Variants in FOXO3 observed in about 807,000 individuals in gnomAD.
The protein encoded by FOXO3 is forkhead box protein O3.
Under a neutral mutation model 41.9 loss-of-function variants are expected in FOXO3, and 4 were observed. The ratio of observed to expected loss-of-function variants is 0.10; its 90% CI spans 0.05 to 0.22. FOXO3 has a LOEUF of 0.22. Ranked by LOEUF, FOXO3 falls within the 10% of genes least tolerant of loss-of-function variation. The pLI is 1.00. For synonymous variants in FOXO3, 318 were observed against 389.3 expected (o/e 0.82, Z 2.16); for missense variants, 534 against 906.8 (o/e 0.59, Z 5.28).
At chr6:108,674,574 G>C (rs1218827689) in intron 2 of FOXO3, among the ~76,000 whole-genome samples, 1 of 152,190 alleles carries the variant, frequency 6.6e-6, no homozygotes, top group East Asian at 1.9e-4. Flanking sequence ...GATACTAGGT[G>C]AGTGACTTAA....
At chr6:108,589,842 T>C (rs1776687204) in intron 1 of FOXO3, among the ~76,000 whole-genome samples, 1 of 152,240 alleles carries the variant, frequency 6.6e-6, no homozygotes, top group African/African-American at 2.4e-5. Context: ...CACACAACTA[T>C]TTCCTACTGA....
At position 108,640,405 on chromosome 6, in the gene FOXO3, A is replaced by G. The variant is rs75602171; in HGVS notation, c.622-23050A>G. On this transcript the variant is annotated intron_variant, in intron 1 of 2. Coordinates refer to ENST00000406360, the MANE Select transcript of FOXO3 (RefSeq NM_001455.4). Reference sequence around the variant, plus strand: ...GTAGTTTACTAACGTCAGGTCACTGAATGCTTTAACAGCAGTATACAATTT... The same window carrying G: ...GTAGTTTACTAACGTCAGGTCACTGGATGCTTTAACAGCAGTATACAATTT... 6.7e-3 allele frequency among the ~76,000 whole-genome samples: 1,025 copies of G among 152,362 alleles called. 15 individuals are homozygous for G. Among genetic ancestry groups the G allele is most frequent in the African/African-American group, 0.023 (965 of 41,582 alleles).
chr6:108,617,163 A>G (rs1401127376), intron 1 of FOXO3, among the ~76,000 whole-genome samples: 1 of 152,170 alleles, frequency 6.6e-6, no homozygotes, highest in Non-Finnish European at 1.5e-5. Context: ...TTGCTGGGTC[A>G]TGTGGTAACT....
chr6:108,579,078 G>T (rs185696333), intron 1 of FOXO3, among the ~76,000 whole-genome samples: 1 of 152,218 alleles, frequency 6.6e-6, no homozygotes, highest in Non-Finnish European at 1.5e-5. Flanking sequence ...GGATGTTCAT[G>T]TGAGGGTCTT....
chr6:108,593,712 CTTTTTTTT>C (rs34228633), intron 1 of FOXO3, among the ~76,000 whole-genome samples: 7 of 83,328 alleles, frequency 8.4e-5, no homozygotes, highest in South Asian at 4.0e-4. Flanking sequence ...TTTTCTTCTT[CTTTTTTTT>C]TTTTTTTTTT....
At chr6:108,677,854 T>C (rs753087543) in intron 2 of FOXO3, among the ~76,000 whole-genome samples, 2 of 152,036 alleles carry the variant, frequency 1.3e-5, no homozygotes, top group Non-Finnish European at 2.9e-5. Context: ...TACTTCAGCT[T>C]TTACTCCCTC....
Position 108,621,447 on chromosome 6 carries a change from G to A in FOXO3, c.622-42008G>A, listed in dbSNP as rs111940212. ...TTCAAAATCCAATTCACAAGGCAACGTCTGGAAGAAAGAATCAAGTATGTG... is the reference window on the plus strand; with the variant it reads ...TTCAAAATCCAATTCACAAGGCAACATCTGGAAGAAAGAATCAAGTATGTG... On this transcript the variant is annotated intron_variant, in intron 1 of 2. Transcript: ENST00000406360. 6.6e-3 allele frequency among the ~76,000 whole-genome samples: 1,002 copies of A among 152,300 alleles called. 14 individuals carry two copies. Among genetic ancestry groups the A allele is most frequent in the African/African-American group, 0.023 (964 of 41,554 alleles).
intron 1 of FOXO3, among the ~76,000 whole-genome samples, chr6:108,596,187 T>C (rs2128364765): frequency 6.6e-6 from 1 of 152,172 alleles, no homozygotes; most frequent in Middle Eastern, 3.4e-3. Context: ...ATTGAAAACA[T>C]TTTTATAGTA....
intron 1 of FOXO3, among the ~76,000 whole-genome samples, chr6:108,657,035 C>G (rs1225076488): frequency 6.6e-6 from 1 of 152,166 alleles, no homozygotes; most frequent in African/African-American, 2.4e-5. Context: ...TTGCACCTGC[C>G]TCCTGGAAGG....
chr6:108,661,194 A>T (rs1472785572), intron 1 of FOXO3, among the ~76,000 whole-genome samples: 1 of 152,094 alleles, frequency 6.6e-6, no homozygotes, highest in Non-Finnish European at 1.5e-5. Flanking sequence ...GTGAGCCGAG[A>T]TCAAGCCATT....
chr6:108,572,290 C>T (rs1776124149), intron 1 of FOXO3, among the ~76,000 whole-genome samples: 1 of 152,164 alleles, frequency 6.6e-6, no homozygotes, highest in South Asian at 2.1e-4. Context: ...TTGGCCCTGT[C>T]AGGGCTTGAG....
At chr6:108,595,529 T>G (rs1193391014) in intron 1 of FOXO3, among the ~76,000 whole-genome samples, 2 of 152,140 alleles carry the variant, frequency 1.3e-5, no homozygotes, top group African/African-American at 4.8e-5. Flanking sequence ...TTTACATAAG[T>G]TTTTGTAGTT....
intron 1 of FOXO3, among the ~76,000 whole-genome samples, chr6:108,573,265 T>C (rs1054824275): frequency 4.6e-5 from 7 of 151,326 alleles, no homozygotes; most frequent in African/African-American, 1.2e-4. Context: ...CCAGCCTGGG[T>C]GACAGAGAGA....
At chr6:108,609,670 G>A (rs1477149391) in intron 1 of FOXO3, among the ~76,000 whole-genome samples, 1 of 152,186 alleles carries the variant, frequency 6.6e-6, no homozygotes, top group Non-Finnish European at 1.5e-5. Flanking sequence ...CGCTTTTAAG[G>A]CTAAGGTATT....
intron 1 of FOXO3, among the ~76,000 whole-genome samples, chr6:108,567,608 G>C (rs902216672): frequency 6.6e-6 from 1 of 152,198 alleles, no homozygotes; most frequent in African/African-American, 2.4e-5. Flanking sequence ...AGCTAGTAGG[G>C]GTGGAGTAAC....
intron 1 of FOXO3, among the ~76,000 whole-genome samples, chr6:108,589,131 G>A (rs898488089): frequency 3.3e-5 from 5 of 152,152 alleles, no homozygotes; most frequent in Non-Finnish European, 7.4e-5. Flanking sequence ...GGACTGTTTC[G>A]CAAGTAGTTG....
At chr6:108,657,131 T>C (rs992205549) in intron 1 of FOXO3, among the ~76,000 whole-genome samples, 3 of 152,222 alleles carry the variant, frequency 2.0e-5, no homozygotes, top group African/African-American at 7.2e-5. Flanking sequence ...TCAGTGTAAA[T>C]TGTTTTGTAA....
rs1438798756 is a variant in FOXO3, at chr6:108,670,749, G to A, written c.*34+5860G>A. On this transcript the variant is annotated intron_variant, in intron 2 of 2. Transcript: ENST00000406360. ...CCTAGAGTTTTGCTGAAAGGAGTCA[G>A]CACCCCCTTGGAGACAGGGCTTCTT... Among the ~76,000 whole-genome samples the A allele has an allele frequency of 2.0e-5, 3 of 152,184 alleles. No homozygotes were observed. The East Asian group carries it at 5.8e-4, about 29-fold the overall frequency.
chr6:108,592,780 G>A (rs567371296), intron 1 of FOXO3, among the ~76,000 whole-genome samples: 19 of 152,126 alleles, frequency 1.2e-4, no homozygotes, highest in Non-Finnish European at 2.4e-4. Flanking sequence ...CTGTGGCTTC[G>A]GGTTGCACAT....
Sources: gnomAD v4.1 joint callset for allele counts (sites outside exome capture counted in the v4.1 genomes callset) on GRCh38, gnomAD v4.1.1 for gene constraint, MANE v1.5 for transcripts, NCBI Gene and HGNC (gene_info 2026-07-23, HGNC 2026-07-21) for gene names.